Variants in CPA4 observed in about 807,000 individuals in gnomAD.
CPA4 encodes the protein carboxypeptidase A3.
In CPA4, 49 loss-of-function variants were observed where a neutral mutation model predicts 54.7. That is an observed-to-expected ratio of 0.90 (90% CI 0.71 to 1.14). The LOEUF is 1.14. Ranked by LOEUF, CPA4 falls within the 50% of genes most tolerant of loss-of-function variation. The probability of loss-of-function intolerance (pLI) is 0.00; values close to 1 mark genes in which losing one functional copy is unlikely to be tolerated. For synonymous variants in CPA4, 215 were observed against 206.8 expected (o/e 1.04, Z -0.34); for missense variants, 487 against 525.1 (o/e 0.93, Z 0.71).
At chr7:130,306,653 G>A in intron 6 of CPA4, 134 bp from the exon 7 acceptor site, 1 of 612,768 alleles carries the variant, frequency 1.6e-6, no homozygotes. Context: ...GTGGCAGGGA[G>A]GCTTTTGAGG....
intron 10 of CPA4, among the ~76,000 whole-genome samples, chr7:130,320,385 A>G (rs993054272): frequency 6.6e-6 from 1 of 152,188 alleles, no homozygotes; most frequent in Non-Finnish European, 1.5e-5. Context: ...CTGAATCTCA[A>G]ATGTGTTCTG....
chr7:130,315,360 ATT>A (rs970761368), intron 10 of CPA4, among the ~76,000 whole-genome samples: 1 of 152,078 alleles, frequency 6.6e-6, no homozygotes, highest in African/African-American at 2.4e-5. Flanking sequence ...GAGTGCCTGA[ATT>A]TTTAGAAGGG....
chr7:130,296,553 T>C (rs2117130035), intron 1 of CPA4, among the ~76,000 whole-genome samples: 1 of 152,286 alleles, frequency 6.6e-6, no homozygotes, highest in Admixed American at 6.5e-5. Context: ...CCTCCTTTTT[T>C]CTCCTCCTGT....
intron 4 of CPA4, among the ~76,000 whole-genome samples, chr7:130,302,316 G>A (rs764260613): frequency 4.6e-5 from 7 of 151,882 alleles, no homozygotes; most frequent in Non-Finnish European, 8.8e-5. Flanking sequence ...GTGAAACCCC[G>A]TCTCAACTAA....
At chr7:130,306,746 C>T in intron 6 of CPA4, 41 bp from the exon 7 acceptor site, 2 of 1,208,438 alleles carry the variant, frequency 1.7e-6, no homozygotes, top group Non-Finnish European at 2.5e-6. Flanking sequence ...AATGGCCCAT[C>T]CTGCCATGGG....
At chr7:130,313,853 A>G (rs1793950345) in intron 10 of CPA4, among the ~76,000 whole-genome samples, 1 of 152,250 alleles carries the variant, frequency 6.6e-6, no homozygotes, top group Non-Finnish European at 1.5e-5. Context: ...TTGTAAATAC[A>G]GGTGGAGATA....
At chr7:130,311,706 T>C (rs1486094278) in intron 9 of CPA4, among the ~76,000 whole-genome samples, 1 of 152,052 alleles carries the variant, frequency 6.6e-6, no homozygotes, top group South Asian at 2.1e-4. Context: ...GGTGGTGCCT[T>C]TACTAGATTC....
chr7:130,322,293 C>A (rs1432060820), intron 10 of CPA4, among the ~76,000 whole-genome samples, 196 bp from the exon 11 acceptor site: 1 of 152,098 alleles, frequency 6.6e-6, no homozygotes, highest in Non-Finnish European at 1.5e-5. Flanking sequence ...TGATTTGAGA[C>A]CAGTGTGCAC....
At chr7:130,299,995 A>T (rs994340845) in intron 3 of CPA4, among the ~76,000 whole-genome samples, 4 of 152,174 alleles carry the variant, frequency 2.6e-5, no homozygotes, top group African/African-American at 9.7e-5. Context: ...GAACATCAGG[A>T]CAGGGTCTGG....
At chr7:130,297,670 C>T (rs1793671413) in intron 1 of CPA4, among the ~76,000 whole-genome samples, 1 of 152,154 alleles carries the variant, frequency 6.6e-6, no homozygotes, top group Non-Finnish European at 1.5e-5. Flanking sequence ...TGAGGAGCTG[C>T]CCCATGAGGC....
chr7:130,304,688 G>A, intron 5 of CPA4, 109 bp downstream of exon 5: 1 of 751,870 alleles, frequency 1.3e-6, no homozygotes, highest in South Asian at 1.5e-5. Context: ...AGGGAGGAAA[G>A]CGAGGTCAGG....
intron 9 of CPA4, 63 bp from the exon 10 acceptor site, chr7:130,311,975 C>A: frequency 8.6e-7 from 1 of 1,159,396 alleles, no homozygotes; most frequent in Non-Finnish European, 1.3e-6. Flanking sequence ...CAGAGCAGAG[C>A]AGCTGAGGAA....
At position 130,305,834 on chromosome 7, in the gene CPA4, G is replaced by GT. The variant is rs1435766182; in HGVS notation, c.506dup (p.Arg170GlufsTer32). Reference sequence around the variant, plus strand: ...TCTGCAGTTCAGCACTGGGAAAGGCGTGAGGCGGCCGGCCGTTTGGCTGAA... The same window carrying GT: ...TCTGCAGTTCAGCACTGGGAAAGGCGTTGAGGCGGCCGGCCGTTTGGCTGAA... On this transcript the variant is annotated frameshift_variant, in exon 6 of 11. Transcript: ENST00000222482. LOFTEE classifies it high-confidence loss of function. 2 of 1,614,074 alleles carry GT rather than the reference G, an allele frequency of 1.2e-6. No homozygotes were observed. The highest frequency in any genetic ancestry group is 2.7e-5 in the African/African-American group (2 of 74,936).
intron 4 of CPA4, among the ~76,000 whole-genome samples, chr7:130,301,439 T>C (rs1043613718): frequency 2.0e-5 from 3 of 152,186 alleles, no homozygotes; most frequent in African/African-American, 7.2e-5. Context: ...AACCTTCAAA[T>C]GAAAAACTTG....
intron 4 of CPA4, among the ~76,000 whole-genome samples, chr7:130,301,132 C>A (rs1793733429): frequency 6.6e-6 from 1 of 152,202 alleles, no homozygotes; most frequent in Non-Finnish European, 1.5e-5. Context: ...CCTCCCTCAA[C>A]CATCCTTCTC....
At chr7:130,308,123 G>A in intron 7 of CPA4, 184 bp from the exon 8 acceptor site, 3 of 609,616 alleles carry the variant, frequency 4.9e-6, no homozygotes, top group Non-Finnish European at 8.9e-6. Context: ...CTTAGAGCCG[G>A]AAGGGGAAAT....
intron 10 of CPA4, among the ~76,000 whole-genome samples, chr7:130,321,064 A>G (rs1487075672): frequency 6.6e-6 from 1 of 152,098 alleles, no homozygotes; most frequent in Non-Finnish European, 1.5e-5. Flanking sequence ...GCATAGTGCT[A>G]TGTGCCTGTA....
At chr7:130,312,255 C>T in intron 10 of CPA4, 133 bp downstream of exon 10, 1 of 662,702 alleles carries the variant, frequency 1.5e-6, no homozygotes, top group Non-Finnish European at 2.7e-6. Context: ...GACTGAACTA[C>T]ATCATGCCTG....
chr7:130,303,282 G>A (rs1159418067), intron 4 of CPA4, among the ~76,000 whole-genome samples: 3 of 152,106 alleles, frequency 2.0e-5, no homozygotes, highest in Non-Finnish European at 4.4e-5. Flanking sequence ...GCAAATAAGG[G>A]TATTTTTAGC....
Sources: gnomAD v4.1 joint callset for allele counts (sites outside exome capture counted in the v4.1 genomes callset) on GRCh38, gnomAD v4.1.1 for gene constraint, MANE v1.5 for transcripts, NCBI Gene and HGNC (gene_info 2026-07-23, HGNC 2026-07-21) for gene names.